SUSD1: variants seen among roughly 807,000 people sequenced by gnomAD.
SUSD1 encodes the protein sushi domain containing 1, also known as sushi domain-containing protein 1.
In SUSD1, 65 loss-of-function variants were observed where a neutral mutation model predicts 86.9. The observed-to-expected ratio is 0.75, with a 90% CI of 0.61 to 0.92. The LOEUF (loss-of-function observed/expected upper bound fraction) is 0.92, where lower values mean the gene tolerates loss of function less well. SUSD1 is among the 40% of genes least tolerant of loss of function. SUSD1 has a pLI of 0.00. For synonymous variants in SUSD1, 346 were observed against 350.0 expected, an observed-to-expected ratio of 0.99 and a Z score of 0.13; for missense variants, 850 against 929.7, an observed-to-expected ratio of 0.91 and a Z score of 1.11.
At chr9:112,052,548 C>A in intron 14 of SUSD1, 110 bp from the exon 15 acceptor site, 1 of 1,226,608 alleles carries the variant, frequency 8.2e-7, no homozygotes. Context: ...ATCTCTTAAT[C>A]TGAACTAGAC....
chr9:112,073,778 C>T (rs535688217), intron 12 of SUSD1, among the ~76,000 whole-genome samples: 6 of 151,970 alleles, frequency 3.9e-5, no homozygotes, highest in Non-Finnish European at 7.4e-5. Context: ...CTGTAATTCC[C>T]GCTACTTGGG....
At chr9:112,042,792 G>A (rs1321070946) in intron 15 of SUSD1, among the ~76,000 whole-genome samples, 1 of 152,172 alleles carries the variant, frequency 6.6e-6, no homozygotes, top group Admixed American at 6.5e-5. Context: ...ACCAAGGTGG[G>A]AGTGGCTAAG....
At chr9:112,171,832 AACATCT>A (rs1834058997) in intron 1 of SUSD1, among the ~76,000 whole-genome samples, 1 of 152,144 alleles carries the variant, frequency 6.6e-6, no homozygotes, top group South Asian at 2.1e-4. Context: ...GCATTCTCTA[AACATCT>A]TGGACTGACT....
In SUSD1 at chr9:112,078,663, A is replaced by C. The variant is rs1293672122; in HGVS notation, c.1628T>G (p.Ile543Ser). Residue 543 changes from isoleucine (I) to serine (S), a missense_variant, in exon 12 of 17, where the codon ATC (isoleucine) becomes AGC (serine). Ile to Ser is a moderately radical substitution (Grantham distance 142, BLOSUM62 -2). Transcript: ENST00000374270. ...KEFAQEMTFNISSSSRDPEVC... is the reference protein window; with the variant it reads ...KEFAQEMTFNSSSSSRDPEVC... ...CTCGGGATCTCGGCTGCTGCTACTG[A>C]TATTAAAGGTCATTTCCTGGGCAAA... 1.2e-6 allele frequency: 2 copies of C among 1,613,968 alleles called. No individual in the cohort carries two copies. The highest frequency in any genetic ancestry group is 2.2e-5 in the East Asian group (1 of 44,884).
intron 1 of SUSD1, among the ~76,000 whole-genome samples, chr9:112,163,528 C>A (rs528211499): frequency 6.0e-4 from 90 of 150,806 alleles, no homozygotes; most frequent in Admixed American, 2.2e-3. Flanking sequence ...ATCCCAGCTA[C>A]TTGTGAAGCT....
intron 5 of SUSD1, among the ~76,000 whole-genome samples, chr9:112,141,448 G>A (rs893327753): frequency 2.0e-5 from 3 of 152,024 alleles, no homozygotes; most frequent in African/African-American, 4.8e-5. Flanking sequence ...AGGCCAACAC[G>A]GGCAGATAAC....
chr9:112,054,200 A>G (rs948859321), intron 14 of SUSD1, among the ~76,000 whole-genome samples: 1 of 152,240 alleles, frequency 6.6e-6, no homozygotes, highest in Non-Finnish European at 1.5e-5. Context: ...ATATAGGCCA[A>G]TGGAACAGCA....
chr9:112,149,906 T>G (rs947716682), intron 2 of SUSD1, among the ~76,000 whole-genome samples: 1 of 152,218 alleles, frequency 6.6e-6, no homozygotes, highest in African/African-American at 2.4e-5. Context: ...GAAGCAGGAA[T>G]AGCTCATGCT....
chr9:112,139,438 C>CATT (rs994654171), intron 5 of SUSD1, among the ~76,000 whole-genome samples: 2 of 152,086 alleles, frequency 1.3e-5, no homozygotes, highest in African/African-American at 2.4e-5. Flanking sequence ...ATAACCCACA[C>CATT]ATTATTATTA....
intron 2 of SUSD1, among the ~76,000 whole-genome samples, chr9:112,154,828 T>G (rs1833222946): frequency 6.6e-6 from 1 of 152,200 alleles, no homozygotes. Context: ...TAACCTTGCC[T>G]GCAATCTATG....
intron 10 of SUSD1, among the ~76,000 whole-genome samples, chr9:112,090,156 T>TA (rs34671523): frequency 0.6 from 90,693 of 151,800 alleles, 27,382 homozygotes; most frequent in East Asian, 0.78. Flanking sequence ...GGGCAGAAAA[T>TA]AAAGATAAAG....
intron 15 of SUSD1, among the ~76,000 whole-genome samples, chr9:112,047,344 T>A (rs998537023): frequency 5.9e-5 from 9 of 152,122 alleles, no homozygotes; most frequent in African/African-American, 1.9e-4. Context: ...CCTCCTTCAA[T>A]ACATGGGGAT....
At chr9:112,136,961 C>T (rs1832293430) in intron 5 of SUSD1, among the ~76,000 whole-genome samples, 1 of 152,140 alleles carries the variant, frequency 6.6e-6, no homozygotes. Flanking sequence ...TCCTAGGGCC[C>T]TCCAGCTTTT....
In SUSD1 at chr9:112,062,919, G is replaced by A. The variant is rs778923569; in HGVS notation, c.1850+18C>T. The A allele has an allele frequency of 3.2e-6, 5 of 1,553,540 alleles. No individual in the cohort carries two copies. In the African/African-American group the frequency reaches 4.1e-5, roughly 13 times the overall value. ...ATGGGGATCACTGGGCAACCGTGGA[G>A]AAAGGACAGCTACTGACCTGATTGG... On this transcript the variant is annotated intron_variant, in intron 13 of 16. Transcript: ENST00000374270.
At chr9:112,091,316 T>G (rs1830195533) in intron 10 of SUSD1, among the ~76,000 whole-genome samples, 1 of 152,212 alleles carries the variant, frequency 6.6e-6, no homozygotes. Flanking sequence ...TTGTTTGGAC[T>G]TTAATTCTGT....
At chr9:112,141,220 T>G (rs1452200697) in intron 5 of SUSD1, among the ~76,000 whole-genome samples, 1 of 152,212 alleles carries the variant, frequency 6.6e-6, no homozygotes, top group Non-Finnish European at 1.5e-5. Context: ...CACGTGAGTG[T>G]GATGCACTAC....
intron 5 of SUSD1, among the ~76,000 whole-genome samples, chr9:112,128,480 G>A (rs543851793): frequency 3.3e-5 from 5 of 151,862 alleles, no homozygotes; most frequent in East Asian, 1.9e-4. Context: ...TGCAACCTCC[G>A]TCTCCTGGGT....
chr9:112,060,430 T>A (rs1286941598), intron 13 of SUSD1, among the ~76,000 whole-genome samples: 1 of 152,044 alleles, frequency 6.6e-6, no homozygotes, highest in African/African-American at 2.4e-5. Flanking sequence ...CCCGGTTAAT[T>A]TTTTTTGTAT....
rs1554756866 is a variant in SUSD1, at chr9:112,078,809, C to CTGTTTTTTTT, written c.1567-86_1567-85insAAAAAAAACA. ...AAACCTCCCCTTTTCCTTTTTCTTTCTCTTTTTTTTTTTTTTTTTTTGAGA... is the reference window on the plus strand; with the variant it reads ...AAACCTCCCCTTTTCCTTTTTCTTTCTGTTTTTTTTTCTTTTTTTTTTTTTTTTTTTGAGA... On this transcript the variant is annotated intron_variant, in intron 11 of 16. Transcript: ENST00000374270. 8 of 830,170 alleles carry CTGTTTTTTTT rather than the reference C, an allele frequency of 9.6e-6. No individual in the cohort carries two copies. In the African/African-American group the frequency reaches 1.6e-4, roughly 17 times the overall value. The allele number at this position is 830,170 out of a possible 1,614,324, so 51.4% of individuals were successfully genotyped here. A position where few individuals can be genotyped will look rare whatever the true frequency, so the allele number is the denominator to read the frequency against.
Sources: allele counts gnomAD v4.1 joint callset (sites outside exome capture counted in the v4.1 genomes callset), GRCh38; gene constraint gnomAD v4.1.1; transcripts MANE v1.5; gene names NCBI Gene and HGNC (gene_info 2026-07-23, HGNC 2026-07-21).